The following CACUL1 variants were observed in gnomAD, a reference collection of about 807,000 sequenced individuals.
The protein encoded by CACUL1 is CDK2 associated cullin domain 1.
In CACUL1, 13 loss-of-function variants were observed where a neutral mutation model predicts 45.2. The observed-to-expected ratio is 0.29, with a 90% CI of 0.19 to 0.46. The LOEUF (loss-of-function observed/expected upper bound fraction) is 0.46. Ranked by LOEUF, CACUL1 falls within the 20% of genes least tolerant of loss-of-function variation. The probability of loss-of-function intolerance (pLI) is 1.00; values close to 1 mark genes in which losing one functional copy is unlikely to be tolerated. For synonymous variants in CACUL1, 197 were observed against 174.2 expected (o/e 1.13, Z -1.03); for missense variants, 421 against 471.4 (o/e 0.89, Z 0.99).
chr10:118,680,006 T>C lies in CACUL1; in HGVS notation c.*6122A>G, dbSNP rs574617343. 1 of 152,238 alleles carries C rather than the reference T, an allele frequency of 6.6e-6. No homozygotes were observed. The highest frequency in any genetic ancestry group is 1.5e-5 in the Non-Finnish European group (1 of 68,012). 9.4% of individuals were successfully genotyped at this position (152,238 alleles called of 1,614,324 possible). A position where few individuals can be genotyped will look rare whatever the true frequency, so the allele number is the denominator to read the frequency against. On this transcript the variant is annotated 3_prime_UTR_variant, in exon 9 of 9. Coordinates refer to ENST00000369151, the MANE Select transcript of CACUL1 (RefSeq NM_153810.5). Reference sequence around the variant, plus strand: ...GGTACATTACTAGAAAGTTTTGAATTGTTATGCCCTTCTGGCTTAACAATT... The same window carrying C: ...GGTACATTACTAGAAAGTTTTGAATCGTTATGCCCTTCTGGCTTAACAATT...
At chr10:118,717,004 A>G (rs1238179248) in intron 3 of CACUL1, among the ~76,000 whole-genome samples, 2 of 152,214 alleles carry the variant, frequency 1.3e-5, no homozygotes, top group Admixed American at 6.5e-5. Flanking sequence ...ACCTCAAAGA[A>G]TGCTTCTCTC....
chr10:118,695,472 T>A (rs780978703), intron 5 of CACUL1, among the ~76,000 whole-genome samples: 3 of 152,220 alleles, frequency 2.0e-5, no homozygotes, highest in Non-Finnish European at 4.4e-5. Flanking sequence ...TTCTGAAAAG[T>A]AAGTAAAGCT....
chr10:118,706,031 A>C lies in CACUL1; in HGVS notation c.693+1461T>G, dbSNP rs1353595746. ...GTAAGTTTGAAGTTCGTTTATTCTT[A>C]ATTGACACAGACCTCTTAAACCCCA... On this transcript the variant is annotated intron_variant, in intron 4 of 8. Coordinates refer to ENST00000369151, the MANE Select transcript of CACUL1 (RefSeq NM_153810.5). Among the ~76,000 whole-genome samples, 4 of 152,216 alleles carry C rather than the reference A, an allele frequency of 2.6e-5. No homozygotes were observed. The South Asian group carries it at 8.3e-4, about 32-fold the overall frequency.
intron 6 of CACUL1, chr10:118,692,739 A>G (rs1326883828): frequency 6.6e-6 from 1 of 152,224 alleles, no homozygotes; most frequent in Non-Finnish European, 1.5e-5. Flanking sequence ...CGATAATCTG[A>G]GTAAATGATT....
chr10:118,754,734 C>G lies in CACUL1; in HGVS notation c.29G>C (p.Gly10Ala). 5 of 1,600,410 alleles carry G rather than the reference C, an allele frequency of 3.1e-6. No homozygotes were observed. The highest frequency in any genetic ancestry group is 3.4e-6 in the Non-Finnish European group (4 of 1,174,958). Residue 10 changes from glycine (G) to alanine (A), a missense_variant, in exon 1 of 9, where the codon GGG becomes GCG. Physicochemically the swap from Gly to Ala is moderately conservative, Grantham distance 60 (BLOSUM62 0). Coordinates refer to ENST00000369151, the MANE Select transcript of CACUL1 (RefSeq NM_153810.5). ...GTCCATCATCGCCTCGTAGCTGCCCCCCTCCTCCTCTTCCATGCTTTCCTC... is the reference window on the plus strand; with the variant it reads ...GTCCATCATCGCCTCGTAGCTGCCCGCCTCCTCCTCTTCCATGCTTTCCTC... MEESMEEEE[G>A]GSYEAMMDDQ... is the part of the protein sequence containing the mutation.
chr10:118,750,097 C>T (rs1267868714), intron 1 of CACUL1, among the ~76,000 whole-genome samples: 1 of 152,148 alleles, frequency 6.6e-6, no homozygotes, highest in Non-Finnish European at 1.5e-5. Context: ...GAGGCCAAGG[C>T]GGGTGGATGA....
chr10:118,748,706 C>A (rs548664912), intron 1 of CACUL1, among the ~76,000 whole-genome samples: 1 of 151,826 alleles, frequency 6.6e-6, no homozygotes, highest in Non-Finnish European at 1.5e-5. Context: ...TTCCAAAATC[C>A]GAAAAAAATC....
intron 1 of CACUL1, among the ~76,000 whole-genome samples, chr10:118,751,793 T>C (rs1845900717): frequency 6.6e-6 from 1 of 152,352 alleles, no homozygotes; most frequent in East Asian, 1.9e-4. Context: ...TTAGTATTCT[T>C]GTAAGTAATT....
chr10:118,752,811 C>T (rs1845910344), intron 1 of CACUL1, among the ~76,000 whole-genome samples: 2 of 152,190 alleles, frequency 1.3e-5, no homozygotes, highest in South Asian at 4.1e-4. Context: ...TACCAATTTT[C>T]ACATTTACTA....
At chr10:118,750,925 C>T (rs780085823) in intron 1 of CACUL1, among the ~76,000 whole-genome samples, 1 of 152,098 alleles carries the variant, frequency 6.6e-6, no homozygotes. Context: ...GTAATAATCC[C>T]ATCAGGGAAA....
intron 6 of CACUL1, among the ~76,000 whole-genome samples, chr10:118,691,846 G>A (rs1407560363): frequency 6.6e-5 from 8 of 120,810 alleles, no homozygotes; most frequent in Admixed American, 4.2e-4. Context: ...CAGCCTGGGC[G>A]ACAGAGCGAG....
chr10:118,738,441 G>T (rs1365958031), intron 1 of CACUL1, among the ~76,000 whole-genome samples: 2 of 151,958 alleles, frequency 1.3e-5, no homozygotes, highest in African/African-American at 2.4e-5. Flanking sequence ...AATGCTACGC[G>T]CCAGGAAAAA....
At chr10:118,698,943 T>G (rs1845350378) in intron 5 of CACUL1, among the ~76,000 whole-genome samples, 1 of 152,182 alleles carries the variant, frequency 6.6e-6, no homozygotes. Flanking sequence ...AAGGGGTAAG[T>G]AATATAAAAA....
intron 1 of CACUL1, among the ~76,000 whole-genome samples, chr10:118,751,065 G>A (rs1401581483): frequency 2.6e-5 from 4 of 151,910 alleles, no homozygotes; most frequent in African/African-American, 9.7e-5. Context: ...GCTTTTTAGG[G>A]TTTCCTATTC....
rs2119536727 is a variant in CACUL1, at chr10:118,685,024, C to T, written c.*1104G>A. Reference sequence around the variant, plus strand: ...CCACAGCTGGAAGGGAGCCTTAGGACAGCAGTGCTACTTCTTCCCTATCAC... The same window carrying T: ...CCACAGCTGGAAGGGAGCCTTAGGATAGCAGTGCTACTTCTTCCCTATCAC... On this transcript the variant is annotated 3_prime_UTR_variant, in exon 9 of 9. Coordinates refer to ENST00000369151, the MANE Select transcript of CACUL1 (RefSeq NM_153810.5). 6.6e-6 allele frequency: 1 copy of T among 152,332 alleles called. No homozygotes were observed. The highest frequency in any genetic ancestry group is 2.1e-4 in the South Asian group (1 of 4,832). The allele number at this position is 152,332 out of a possible 1,614,324, so 9.4% of individuals were successfully genotyped here.
intron 6 of CACUL1, 181 bp from the exon 7 acceptor site, chr10:118,691,584 C>T (rs1845266842): frequency 5.3e-6 from 3 of 567,768 alleles, no homozygotes; most frequent in Non-Finnish European, 9.1e-6. Context: ...AAGAATTTTA[C>T]AGGCCGGGTG....
At chr10:118,716,448 T>C (rs547488792) in intron 3 of CACUL1, among the ~76,000 whole-genome samples, 1 of 152,140 alleles carries the variant, frequency 6.6e-6, no homozygotes, top group South Asian at 2.1e-4. Context: ...TAACAACTGT[T>C]TGGACACATC....
At position 118,685,553 on chromosome 10, in the gene CACUL1, A is replaced by C. The variant is rs1157211556; in HGVS notation, c.*575T>G. ...GGCACAGAGTAGAAGAAAGTTGTGA[A>C]CTGATGGGGGAAAGTTCTAGCAAAA... is the stretch of plus-strand genomic sequence containing the variant. On this transcript the variant is annotated 3_prime_UTR_variant, in exon 9 of 9. Coordinates refer to ENST00000369151, the MANE Select transcript of CACUL1 (RefSeq NM_153810.5). 1 of 152,732 alleles carries C rather than the reference A, an allele frequency of 6.5e-6. No individual in the cohort carries two copies. Among genetic ancestry groups the C allele is most frequent in the Non-Finnish European group, 1.5e-5 (1 of 68,124 alleles). 9.5% of individuals were successfully genotyped at this position (152,732 alleles called of 1,614,324 possible).
At chr10:118,719,416 A>G (rs1238521831) in intron 3 of CACUL1, among the ~76,000 whole-genome samples, 1 of 152,216 alleles carries the variant, frequency 6.6e-6, no homozygotes, top group African/African-American at 2.4e-5. Context: ...AGCTTATTCC[A>G]TGATGTTCCA....
Sources: allele counts gnomAD v4.1 joint callset (sites outside exome capture counted in the v4.1 genomes callset), GRCh38; gene constraint gnomAD v4.1.1; transcripts MANE v1.5; gene names NCBI Gene and HGNC (gene_info 2026-07-23, HGNC 2026-07-21).